Variants in EVC2 observed in about 807,000 individuals in gnomAD.
EVC2 encodes the protein EvC ciliary complex subunit 2.
Under a neutral mutation model 149.3 loss-of-function variants are expected in EVC2, and 148 were observed. The observed-to-expected ratio is 0.99, with a 90% CI of 0.87 to 1.14. The LOEUF is 1.14. EVC2 is among the 50% of genes most tolerant of loss of function. The probability of loss-of-function intolerance (pLI) is 0.00; values close to 1 mark genes in which losing one functional copy is unlikely to be tolerated. For missense variants in EVC2, 1,854 were observed against 1,627.3 expected (o/e 1.14, Z -2.40); for synonymous variants, 776 against 649.9 (o/e 1.19, Z -2.95).
chr4:5,581,381 T>C (rs148315001), intron 17 of EVC2, among the ~76,000 whole-genome samples: 2 of 152,190 alleles, frequency 1.3e-5, no homozygotes, highest in East Asian at 1.9e-4. Context: ...GATTGTGATA[T>C]GGACAATGAA....
Position 5,546,992 on chromosome 4 carries a change from G to C in EVC2, c.3420-3780C>G, listed in dbSNP as rs906615376. On this transcript the variant is annotated intron_variant and NMD_transcript_variant, in intron 21 of 22. Coordinates refer to the EVC2 transcript ENST00000475313. ...CTTCTACTCCATGGAGCAGGCAGGA[G>C]CCCCACCCCTGTGGCCACAGCTACA... Among the ~76,000 whole-genome samples, 15 of 152,158 alleles carry C rather than the reference G, an allele frequency of 9.9e-5. 1 individual carries two copies. In the East Asian group the frequency reaches 2.9e-3, roughly 29 times the overall value.
intron 16 of EVC2, among the ~76,000 whole-genome samples, chr4:5,603,956 T>C (rs1714191715): frequency 6.6e-6 from 1 of 152,210 alleles, no homozygotes; most frequent in African/African-American, 2.4e-5. Context: ...CAAATGGATC[T>C]GCTAGCCGAA....
chr4:5,653,924 T>C (rs1195433143), intron 9 of EVC2, among the ~76,000 whole-genome samples: 9 of 152,154 alleles, frequency 5.9e-5, no homozygotes, highest in Non-Finnish European at 1.5e-5. Context: ...AACGAGAGGC[T>C]GAAAACAGGC....
At position 5,550,089 on chromosome 4, in the gene EVC2, G is replaced by A. The variant is rs746408189; in HGVS notation, c.3420-6877C>T. On this transcript the variant is annotated intron_variant and NMD_transcript_variant, in intron 21 of 22. Transcript: ENST00000475313. ...TTTCCTGTATAAATTGCCCAGTCTC[G>A]GATGTGTCTTTATTAGCAGTGTGAA... 2.4e-4 allele frequency among the ~76,000 whole-genome samples: 36 copies of A among 152,086 alleles called. 1 individual carries two copies. Among genetic ancestry groups the A allele is most frequent in the Admixed American group, 1.0e-3 (16 of 15,266 alleles).
At chr4:5,708,610 C>A (rs1052428393), upstream of EVC2, 7 of 894,788 alleles carry the variant, frequency 7.8e-6, no homozygotes, top group Non-Finnish European at 1.1e-5. Flanking sequence ...ATGCTCAGTG[C>A]GAGCCGCCGC....
In EVC2 at chr4:5,618,428, C is replaced by G; in HGVS notation, c.2706+50G>C. 1 of 1,608,534 alleles carries G rather than the reference C, an allele frequency of 6.2e-7. No individual in the cohort carries two copies. Among genetic ancestry groups the G allele is most frequent in the South Asian group, 1.1e-5 (1 of 90,606 alleles). On this transcript the variant is annotated intron_variant, in intron 15 of 21. Transcript: ENST00000344408. The surrounding 1 kb of genome is among the most constrained non-coding windows in gnomAD (Gnocchi z 4.4). ...AGGCCAGACCCTGTAGGGCCAGCAG[C>G]TGGGAGACGGCCCTGCTTCTGTAAT...
intron 21 of EVC2, among the ~76,000 whole-genome samples, chr4:5,548,472 A>C (rs1281570664): frequency 1.3e-5 from 2 of 151,160 alleles, no homozygotes; most frequent in Admixed American, 6.6e-5. Context: ...CCTACTTCTA[A>C]GTTGTGTGTC....
chr4:5,601,277 T>C (rs982866655), intron 16 of EVC2, among the ~76,000 whole-genome samples: 1 of 151,894 alleles, frequency 6.6e-6, no homozygotes, highest in African/African-American at 2.4e-5. Flanking sequence ...AGAGTGAACA[T>C]GCAGGAATTT....
rs1312190404 is a variant in EVC2, at chr4:5,677,800, C to A, written c.870+3460G>T. ...CAGTGGGGGACACAGGCAAATCCGA[C>A]ATGGCCTCACCCGCCAGGAGCTCAC... is the stretch of plus-strand genomic sequence containing the variant. On this transcript the variant is annotated intron_variant, in intron 7 of 21. Coordinates refer to ENST00000344408, the MANE Select transcript of EVC2 (RefSeq NM_147127.5). The surrounding 1 kb of genome is among the most constrained non-coding windows in gnomAD (Gnocchi z 4.3). 6.6e-6 allele frequency among the ~76,000 whole-genome samples: 1 copy of A among 152,246 alleles called. No individual in the cohort carries two copies. The highest frequency in any genetic ancestry group is 1.5e-5 in the Non-Finnish European group (1 of 68,048).
intron 16 of EVC2, among the ~76,000 whole-genome samples, chr4:5,595,178 G>C (rs2108802301): frequency 6.6e-6 from 1 of 152,200 alleles, no homozygotes; most frequent in Admixed American, 6.5e-5. Flanking sequence ...CCCCAATCTA[G>C]CAAGGCAGGC....
At chr4:5,701,572 A>G (rs1170381271) in intron 1 of EVC2, among the ~76,000 whole-genome samples, 1 of 152,126 alleles carries the variant, frequency 6.6e-6, no homozygotes, top group Non-Finnish European at 1.5e-5. Context: ...GGGTTGCTCC[A>G]GGGCACTCTT....
At chr4:5,588,333 T>C (rs1022833546) in intron 16 of EVC2, among the ~76,000 whole-genome samples, 3 of 152,188 alleles carry the variant, frequency 2.0e-5, no homozygotes, top group African/African-American at 7.2e-5. Flanking sequence ...TCTTTATCAA[T>C]GGTTTGGAGC....
chr4:5,584,368 A>G (rs761550617), intron 17 of EVC2, among the ~76,000 whole-genome samples: 2 of 152,200 alleles, frequency 1.3e-5, no homozygotes, highest in Non-Finnish European at 2.9e-5. Context: ...AATACTGCCA[A>G]TGAACCCATG....
intron 16 of EVC2, among the ~76,000 whole-genome samples, chr4:5,595,666 A>G (rs1713330875): frequency 2.0e-5 from 3 of 152,272 alleles, no homozygotes; most frequent in Admixed American, 2.0e-4. Context: ...TCAACTAACG[A>G]GCAAAATAAC....
At chr4:5,706,320 A>C (rs1418129048) in intron 1 of EVC2, among the ~76,000 whole-genome samples, 1 of 143,274 alleles carries the variant, frequency 7.0e-6, no homozygotes, top group Non-Finnish European at 1.5e-5. Flanking sequence ...ATAGATAGAT[A>C]CATAGATAGA....
At chr4:5,595,201 T>G (rs1234733948) in intron 16 of EVC2, among the ~76,000 whole-genome samples, 4 of 151,964 alleles carry the variant, frequency 2.6e-5, no homozygotes, top group African/African-American at 9.7e-5. Context: ...ACATTCAGAT[T>G]CAGGAAATAC....
intron 15 of EVC2, among the ~76,000 whole-genome samples, chr4:5,616,804 G>A (rs573503206): frequency 6.6e-6 from 1 of 152,162 alleles, no homozygotes; most frequent in East Asian, 1.9e-4. Flanking sequence ...GAGCACCTTC[G>A]CGAAAAGGAA....
chr4:5,593,930 G>A (rs1298570006), intron 16 of EVC2, among the ~76,000 whole-genome samples: 1 of 152,238 alleles, frequency 6.6e-6, no homozygotes, highest in Non-Finnish European at 1.5e-5. Context: ...CCCCCACCTG[G>A]CTTGGAGGGT....
chr4:5,546,497 T>C (rs887103716), intron 21 of EVC2, among the ~76,000 whole-genome samples: 25 of 151,216 alleles, frequency 1.7e-4, no homozygotes, highest in African/African-American at 3.9e-4. Context: ...TTCTCACTCA[T>C]AGGTGGGAAT....
Sources: gnomAD v4.1 joint callset for allele counts (sites outside exome capture counted in the v4.1 genomes callset) on GRCh38, gnomAD v4.1.1 for gene constraint, Gnocchi (gnomAD v3.1) non-coding constraint, MANE v1.5 for transcripts, NCBI Gene and HGNC (gene_info 2026-07-23, HGNC 2026-07-21) for gene names.